Variants in ZNF782 observed in about 807,000 individuals in gnomAD.
ZNF782 encodes zinc finger protein 782.
A neutral mutation model predicts 13.0 loss-of-function variants in ZNF782; 12 were observed. That is an observed-to-expected ratio of 0.92 (90% CI 0.59 to 1.50). The LOEUF is 1.50. ZNF782 is among the 40% of genes most tolerant of loss of function. ZNF782 has a pLI of 0.00. For missense variants in ZNF782, 770 were observed against 822.9 expected (o/e 0.94, Z 0.79); for synonymous variants, 284 against 283.0 (o/e 1.00, Z -0.04).
chr9:96,826,425 G>A (rs1024117046), intron 5 of ZNF782, among the ~76,000 whole-genome samples: 1 of 152,198 alleles, frequency 6.6e-6, no homozygotes, highest in Non-Finnish European at 1.5e-5. Flanking sequence ...GGAAGGGATA[G>A]CTTTGGGAGA....
chr9:96,879,486 G>C (rs1055760940), upstream of ZNF782, among the ~76,000 whole-genome samples: 2 of 152,196 alleles, frequency 1.3e-5, no homozygotes, highest in East Asian at 1.9e-4. Flanking sequence ...CTGGGCGACA[G>C]AGCAAGACTC....
chr9:96,846,770 G>A (rs1462706224), intron 3 of ZNF782, among the ~76,000 whole-genome samples: 2 of 152,140 alleles, frequency 1.3e-5, no homozygotes, highest in African/African-American at 2.4e-5. Context: ...ACCACTGACA[G>A]TACTAGACAG....
At chr9:96,882,752 G>C in the ZNF782 span, among the ~76,000 whole-genome samples, 1 of 152,116 alleles carries the variant, frequency 6.6e-6, no homozygotes, top group African/African-American at 2.4e-5. Context: ...ACGTCTTATT[G>C]TAAAATGTCA....
chr9:96,856,873 T>C (rs1232988219), upstream of ZNF782, among the ~76,000 whole-genome samples: 1 of 152,070 alleles, frequency 6.6e-6, no homozygotes, highest in Non-Finnish European at 1.5e-5. Flanking sequence ...ATGTGAAAAA[T>C]AGGGGCTGTA....
At chr9:96,911,499 GTTTT>G in the ZNF782 span, among the ~76,000 whole-genome samples, 1 of 133,718 alleles carries the variant, frequency 7.5e-6, no homozygotes, top group South Asian at 2.4e-4. Context: ...TTTCTTACAA[GTTTT>G]TTTTTTGTTT....
chr9:96,931,804 C>G, the ZNF782 span: 3 of 1,611,806 alleles, frequency 1.9e-6, no homozygotes, highest in Non-Finnish European at 2.5e-6. Flanking sequence ...TTGCCACACC[C>G]TCTCCCGGCC....
chr9:96,893,982 AGAGCGAGACTCC>A, the ZNF782 span: 2 of 132,884 alleles, frequency 1.5e-5, no homozygotes, highest in Non-Finnish European at 3.0e-5. Flanking sequence ...CCTGGGTGAC[AGAGCGAGACTCC>A]GTCTCAAAAA....
chr9:96,846,825 C>A (rs1389577855), intron 3 of ZNF782, among the ~76,000 whole-genome samples: 1 of 152,182 alleles, frequency 6.6e-6, no homozygotes, highest in African/African-American at 2.4e-5. Flanking sequence ...TTAAACAACA[C>A]ACTAGAACAA....
At chr9:96,896,350 T>C in the ZNF782 span, among the ~76,000 whole-genome samples, 2 of 152,202 alleles carry the variant, frequency 1.3e-5, no homozygotes, top group African/African-American at 2.4e-5. Flanking sequence ...CTTAATTGCC[T>C]TTCCCTTCTA....
intron 1 of ZNF782, among the ~76,000 whole-genome samples, chr9:96,863,772 A>G (rs1157647568): frequency 1.3e-5 from 2 of 152,204 alleles, no homozygotes; most frequent in Non-Finnish European, 2.9e-5. Flanking sequence ...GGAAAACCAA[A>G]TATCATATGT....
the ZNF782 span, among the ~76,000 whole-genome samples, chr9:96,910,932 G>A: frequency 6.7e-6 from 1 of 149,276 alleles, no homozygotes; most frequent in Non-Finnish European, 1.5e-5. Context: ...CATCGCGCCC[G>A]GCCTGCTTTT....
At chr9:96,931,692 C>T in the ZNF782 span, 1 of 1,609,814 alleles carries the variant, frequency 6.2e-7, no homozygotes, top group African/African-American at 1.3e-5. Context: ...GAGACGCCAG[C>T]TCATTCACCT....
chr9:96,922,628 G>T, the ZNF782 span, among the ~76,000 whole-genome samples: 4 of 152,060 alleles, frequency 2.6e-5, no homozygotes, highest in East Asian at 3.9e-4. Context: ...CAAAAAAATA[G>T]CCGGGCCTGG....
chr9:96,819,947 C>G (rs1291397589), intron 5 of ZNF782, among the ~76,000 whole-genome samples, 169 bp from the exon 6 acceptor site: 6 of 151,740 alleles, frequency 4.0e-5, no homozygotes, highest in Non-Finnish European at 8.8e-5. Flanking sequence ...CCCTTTTTAG[C>G]TTAAATTTTT....
the ZNF782 span, chr9:96,889,546 T>C: frequency 6.6e-6 from 1 of 152,178 alleles, no homozygotes; most frequent in Non-Finnish European, 1.5e-5. Context: ...ATTACAGGCA[T>C]GCGCCACCAC....
the ZNF782 span, among the ~76,000 whole-genome samples, chr9:96,886,657 T>C: frequency 6.6e-6 from 1 of 152,152 alleles, no homozygotes; most frequent in East Asian, 1.9e-4. Flanking sequence ...GCATGGTGGC[T>C]CATGCCTGTA....
chr9:96,818,083 T>C lies in ZNF782; in HGVS notation c.1940A>G (p.Asn647Ser), dbSNP rs367900881. ...GAAAGCTTCCCCACACTGATTACAATTATATGGTTTCTCCCCGGTGTGAGT... is the reference window on the plus strand; with the variant it reads ...GAAAGCTTCCCCACACTGATTACAACTATATGGTTTCTCCCCGGTGTGAGT... ...QRTHTGEKPY[N>S]CNQCGEAFSQ... Residue 647 changes from asparagine to serine, a missense_variant, in exon 6 of 6, where the codon AAT (asparagine) becomes AGT (serine). Physicochemically the swap from Asn to Ser is conservative, Grantham distance 46 (BLOSUM62 1). Coordinates refer to ENST00000481138, the MANE Select transcript of ZNF782 (RefSeq NM_001001662.3). 16 of 1,613,842 alleles carry C rather than the reference T, an allele frequency of 9.9e-6. No individual in the cohort carries two copies. The highest frequency in any genetic ancestry group is 6.7e-5 in the African/African-American group (5 of 74,956).
At position 96,826,826 on chromosome 9, in the gene ZNF782, C is replaced by T. The variant is rs549021077; in HGVS notation, c.244+254G>A. 1.3e-3 allele frequency among the ~76,000 whole-genome samples: 197 copies of T among 152,272 alleles called. 1 individual carries two copies. Among genetic ancestry groups the T allele is most frequent in the Non-Finnish European group, 2.2e-3 (149 of 68,014 alleles). On this transcript the variant is annotated intron_variant, in intron 5 of 5. Coordinates refer to ENST00000481138, the MANE Select transcript of ZNF782 (RefSeq NM_001001662.3). ...ACAATAAAAACCCTGGGCACCAGTTCTGGGTAGACAACATTTTACATATGT... is the reference window on the plus strand; with the variant it reads ...ACAATAAAAACCCTGGGCACCAGTTTTGGGTAGACAACATTTTACATATGT...
the ZNF782 span, chr9:96,931,934 G>A: frequency 1.2e-6 from 2 of 1,612,008 alleles, no homozygotes; most frequent in Non-Finnish European, 8.5e-7. Flanking sequence ...AAGTGGGGCT[G>A]GGGCTTCCAA....
Sources: allele counts gnomAD v4.1 joint callset (sites outside exome capture counted in the v4.1 genomes callset), GRCh38; gene constraint gnomAD v4.1.1; transcripts MANE v1.5; gene names NCBI Gene and HGNC (gene_info 2026-07-23, HGNC 2026-07-21).